LOC400499: variants seen among roughly 807,000 people sequenced by gnomAD.
At chr16:11,447,990 C>A in the LOC400499 span, 3 of 1,536,112 alleles carry the variant, frequency 2.0e-6, no homozygotes. Context: ...TCAGCTCCTC[C>A]AGCTCTCCTT....
chr16:11,383,713 C>T, the LOC400499 span: 11 of 1,232,486 alleles, frequency 8.9e-6, no homozygotes, highest in Non-Finnish European at 1.0e-5. Context: ...CGCCAGGTTG[C>T]AGGCAGGCTG....
chr16:11,500,026 T>C, the LOC400499 span, among the ~76,000 whole-genome samples: 4 of 152,180 alleles, frequency 2.6e-5, no homozygotes, highest in South Asian at 8.3e-4. Flanking sequence ...ATCGTAGAAA[T>C]TATTGACCTC....
At chr16:11,410,593 G>A in the LOC400499 span, among the ~76,000 whole-genome samples, 1 of 152,268 alleles carries the variant, frequency 6.6e-6, no homozygotes, top group Non-Finnish European at 1.5e-5. Flanking sequence ...TGTAGACAAA[G>A]GTGGCCTGGG....
the LOC400499 span, chr16:11,384,243 G>A: frequency 1.6e-6 from 2 of 1,232,184 alleles, no homozygotes; most frequent in Admixed American, 4.2e-5. Flanking sequence ...GCTCCTCCAG[G>A]CTGCGGGCCA....
At chr16:11,497,508 C>CG in the LOC400499 span, among the ~76,000 whole-genome samples, 1 of 152,174 alleles carries the variant, frequency 6.6e-6, no homozygotes, top group Non-Finnish European at 1.5e-5. Context: ...AGAAAGGCGG[C>CG]GGGGGCACAG....
the LOC400499 span, among the ~76,000 whole-genome samples, chr16:11,413,192 C>T: frequency 5.9e-5 from 9 of 152,304 alleles, no homozygotes; most frequent in Admixed American, 1.3e-4. Context: ...GCAGCCCAGA[C>T]GTCGACAGAG....
chr16:11,476,807 G>A, the LOC400499 span: 2 of 399,108 alleles, frequency 5.0e-6, no homozygotes, highest in Non-Finnish European at 8.8e-6. Context: ...GTGTTCAGAT[G>A]CACCTTAAGG....
At chr16:11,450,929 A>C in the LOC400499 span, 20 of 976,442 alleles carry the variant, frequency 2.0e-5, no homozygotes, top group Non-Finnish European at 2.8e-5. Context: ...ACAAATCTCA[A>C]AACTGGGAAT....
At chr16:11,524,279 A>AT in the LOC400499 span, among the ~76,000 whole-genome samples, 1 of 125,562 alleles carries the variant, frequency 8.0e-6, no homozygotes, top group Non-Finnish European at 1.7e-5. Flanking sequence ...TCTCCTATCC[A>AT]TCCATCCACC....
At chr16:11,445,287 A>G in the LOC400499 span, among the ~76,000 whole-genome samples, 2 of 151,946 alleles carry the variant, frequency 1.3e-5, no homozygotes, top group Non-Finnish European at 2.9e-5. Flanking sequence ...CAGGAGTGGG[A>G]ATGCACGTCT....
At chr16:11,506,345 G>A in the LOC400499 span, among the ~76,000 whole-genome samples, 1 of 152,196 alleles carries the variant, frequency 6.6e-6, no homozygotes, top group African/African-American at 2.4e-5. Context: ...GTTTAAAACA[G>A]CAGTGTTTAA....
the LOC400499 span, chr16:11,390,294 T>C: frequency 1.6e-6 from 2 of 1,232,838 alleles, no homozygotes; most frequent in Non-Finnish European, 2.0e-6. Flanking sequence ...CCAGGGCTCC[T>C]TTCATGGCCC....
the LOC400499 span, chr16:11,491,565 C>G: frequency 2.6e-6 from 1 of 389,618 alleles, no homozygotes. Context: ...GGTAGAGAAA[C>G]AGGGGAACAA....
At chr16:11,460,613 G>C in the LOC400499 span, 8 of 1,529,816 alleles carry the variant, frequency 5.2e-6, no homozygotes, top group Non-Finnish European at 7.0e-6. Context: ...TGCCTGACCT[G>C]TGTGGATCAA....
chr16:11,413,505 C>T, the LOC400499 span, among the ~76,000 whole-genome samples: 100 of 152,202 alleles, frequency 6.6e-4, 4 homozygotes, highest in South Asian at 0.019. Context: ...CCAAGCAGGA[C>T]GAGTTCATGC....
the LOC400499 span, chr16:11,393,644 G>C: frequency 1.0e-5 from 12 of 1,145,290 alleles, no homozygotes; most frequent in Non-Finnish European, 1.3e-5. Context: ...CTCAGGAAGA[G>C]GCTGGCTGGG....
At chr16:11,384,509 A>G in the LOC400499 span, among the ~76,000 whole-genome samples, 6 of 152,132 alleles carry the variant, frequency 3.9e-5, no homozygotes, top group Non-Finnish European at 7.4e-5. Context: ...TCATCAGAGG[A>G]GGAAGAGAAA....
At chr16:11,523,119 G>T in the LOC400499 span, among the ~76,000 whole-genome samples, 1 of 152,180 alleles carries the variant, frequency 6.6e-6, no homozygotes, top group African/African-American at 2.4e-5. Flanking sequence ...AAATGCAAAT[G>T]GCATCACCTG....
At chr16:11,480,863 G>A in the LOC400499 span, among the ~76,000 whole-genome samples, 26 of 152,334 alleles carry the variant, frequency 1.7e-4, no homozygotes, top group African/African-American at 6.0e-4. Context: ...ACAGGACAGA[G>A]AAATCTCACC....
Sources: gnomAD v4.1 joint callset for allele counts (sites outside exome capture counted in the v4.1 genomes callset) on GRCh38, gnomAD v4.1.1 for gene constraint, MANE v1.5 for transcripts.